The following LUZP1 variants were observed in gnomAD, a reference collection of about 807,000 sequenced individuals.
LUZP1 encodes filamin mechanobinding actin cross-linking protein.
Under a neutral mutation model 71.3 loss-of-function variants are expected in LUZP1, and 25 were observed. That is an observed-to-expected ratio of 0.35 (90% CI 0.26 to 0.49). The LOEUF is 0.49. Among genes scored for constraint, LUZP1 ranks in the 20% least tolerant of loss-of-function variants. The pLI, the probability that LUZP1 is intolerant of heterozygous loss-of-function variation, is 0.99. For synonymous variants in LUZP1, 481 were observed against 506.4 expected (o/e 0.95, Z 0.67); for missense variants, 1,142 against 1,300.8 (o/e 0.88, Z 1.88).
intron 3 of LUZP1, among the ~76,000 whole-genome samples, chr1:23,095,336 C>A (rs1360022417): frequency 6.6e-6 from 1 of 152,022 alleles, no homozygotes; most frequent in Non-Finnish European, 1.5e-5. Flanking sequence ...AACCAGATAA[C>A]CTGGAAAACC....
chr1:23,115,343 A>AT (rs1644069248), intron 2 of LUZP1, among the ~76,000 whole-genome samples: 1 of 152,212 alleles, frequency 6.6e-6, no homozygotes, highest in African/African-American at 2.4e-5. Flanking sequence ...GAATCCAGCA[A>AT]TCCCATCTCT....
chr1:23,152,606 C>A (rs946269158), intron 2 of LUZP1, among the ~76,000 whole-genome samples: 1 of 152,122 alleles, frequency 6.6e-6, no homozygotes, highest in Admixed American at 6.5e-5. Flanking sequence ...TCTGGGCTCA[C>A]TGCAACCTCT....
chr1:23,093,480 A>T lies in LUZP1; in HGVS notation c.782T>A (p.Leu261Gln). The change falls in exon 4 of 5, where the codon CTG (leucine) becomes CAG (glutamine). Residue 261 changes from leucine to glutamine, a missense_variant. Leu to Gln is a moderately radical substitution (Grantham distance 113). Transcript: ENST00000302291. The surrounding 1 kb of genome is among the most constrained non-coding windows in gnomAD (Gnocchi z 4.2). Reference sequence around the variant, plus strand: ...ATTCTCTACCTGCTTTAGGTAGTCCAGACCACCCTTCCTTCTTGATTCTTT... The same window carrying T: ...ATTCTCTACCTGCTTTAGGTAGTCCTGACCACCCTTCCTTCTTGATTCTTT... 6.2e-7 allele frequency: 1 copy of T among 1,612,726 alleles called. No homozygotes were observed. Among genetic ancestry groups the T allele is most frequent in the South Asian group, 1.1e-5 (1 of 90,478 alleles).
chr1:23,110,635 T>TATACACAC (rs1553137225), intron 2 of LUZP1, among the ~76,000 whole-genome samples: 8 of 41,926 alleles, frequency 1.9e-4, no homozygotes, highest in East Asian at 7.5e-4. Flanking sequence ...CGCGCACACA[T>TATACACAC]ACACACACAC....
At chr1:23,149,908 G>C (rs1248014066) in intron 2 of LUZP1, among the ~76,000 whole-genome samples, 1 of 126,932 alleles carries the variant, frequency 7.9e-6, no homozygotes, top group Non-Finnish European at 1.5e-5. Flanking sequence ...GTTGCAGTGA[G>C]CCAAGATTGC....
chr1:23,133,473 A>G (rs971291589), intron 2 of LUZP1: 4 of 152,146 alleles, frequency 2.6e-5, no homozygotes, highest in Non-Finnish European at 5.9e-5. Flanking sequence ...ACCATCAACA[A>G]TGAGACAGAC....
chr1:23,116,706 GTTATTT>G (rs939831983), intron 2 of LUZP1, among the ~76,000 whole-genome samples: 2 of 152,152 alleles, frequency 1.3e-5, no homozygotes, highest in Non-Finnish European at 2.9e-5. Flanking sequence ...CAGTTTTGTT[GTTATTT>G]TTGTTTAATG....
intron 2 of LUZP1, among the ~76,000 whole-genome samples, chr1:23,147,989 C>A (rs1472028622): frequency 1.3e-5 from 2 of 152,184 alleles, no homozygotes; most frequent in Non-Finnish European, 2.9e-5. Flanking sequence ...GATAATACTG[C>A]AAACCCTTAT....
At chr1:23,154,709 A>ATTTTTTTTTTTT (rs1191570803) in intron 2 of LUZP1, among the ~76,000 whole-genome samples, 30 of 125,552 alleles carry the variant, frequency 2.4e-4, no homozygotes, top group East Asian at 4.7e-4. Context: ...CACCTGGCTA[A>ATTTTTTTTTTTT]TTTTTTTTTT....
At chr1:23,139,019 A>AAAAAAAATAT (rs1317355746) in intron 2 of LUZP1, among the ~76,000 whole-genome samples, 31 of 59,948 alleles carry the variant, frequency 5.2e-4, no homozygotes, top group African/African-American at 9.3e-4. Context: ...AAAAAAAAAA[A>AAAAAAAATAT]ATATATATAT....
chr1:23,091,301 C>G, exon 4 of LUZP1: 1 of 1,614,102 alleles, frequency 6.2e-7, no homozygotes, highest in East Asian at 2.2e-5. Context: ...TGGAGGAGGG[C>G]TCAGGGGCAT....
chr1:23,084,595 A>T (rs1186361095), exon 5 of LUZP1: 1 of 152,138 alleles, frequency 6.6e-6, no homozygotes, highest in Non-Finnish European at 1.5e-5. Context: ...ACTGACTGAC[A>T]GATAGATGAT....
chr1:23,105,863 T>C (rs565195016), intron 3 of LUZP1, among the ~76,000 whole-genome samples: 3 of 148,260 alleles, frequency 2.0e-5, no homozygotes, highest in Admixed American at 1.3e-4. Context: ...CCAGGTAAAA[T>C]TTTTTTTTTT....
intron 2 of LUZP1, among the ~76,000 whole-genome samples, chr1:23,148,914 T>C (rs1644362551): frequency 6.6e-6 from 1 of 151,538 alleles, no homozygotes; most frequent in South Asian, 2.1e-4. Flanking sequence ...GACCAATCTC[T>C]ACCAAAAATG....
intron 2 of LUZP1, among the ~76,000 whole-genome samples, chr1:23,146,802 A>T (rs1644346368): frequency 6.7e-6 from 1 of 150,276 alleles, no homozygotes. Context: ...GTCTCCAAAA[A>T]AATAATAATA....
At chr1:23,166,441 G>A (rs921348123) in intron 2 of LUZP1, among the ~76,000 whole-genome samples, 3 of 151,934 alleles carry the variant, frequency 2.0e-5, no homozygotes, top group African/African-American at 7.3e-5. Flanking sequence ...GATCACTTGA[G>A]GTCAGGAGTT....
chr1:23,132,512 TA>T (rs11311477), intron 2 of LUZP1, among the ~76,000 whole-genome samples: 80,267 of 144,874 alleles, frequency 0.55, 21,987 homozygotes, highest in African/African-American at 0.66. Context: ...ACTTCTTGTT[TA>T]AAAAAAAAAA....
intron 2 of LUZP1, among the ~76,000 whole-genome samples, chr1:23,143,335 A>C (rs553919104): frequency 2.0e-5 from 3 of 152,328 alleles, no homozygotes; most frequent in African/African-American, 7.2e-5. Flanking sequence ...GACTCTTTTA[A>C]AATGAGTAGA....
At chr1:23,108,064 C>T (rs1181269564) in intron 3 of LUZP1, among the ~76,000 whole-genome samples, 1 of 152,154 alleles carries the variant, frequency 6.6e-6, no homozygotes, top group Non-Finnish European at 1.5e-5. Context: ...TCAGGAGCAA[C>T]CAAGACCACC....
Sources: allele counts gnomAD v4.1 joint callset (sites outside exome capture counted in the v4.1 genomes callset), GRCh38; gene constraint gnomAD v4.1.1; non-coding constraint Gnocchi (gnomAD v3.1); transcripts MANE v1.5; gene names NCBI Gene and HGNC (gene_info 2026-07-23, HGNC 2026-07-21).